The following MAP3K10 variants were observed in gnomAD, a reference collection of about 807,000 sequenced individuals.
The protein encoded by MAP3K10 is mitogen-activated protein kinase kinase kinase 10, also known as MKN28 derived nonreceptor_type serine/threonine kinase.
In MAP3K10, 22 loss-of-function variants were observed where a neutral mutation model predicts 75.0. The observed-to-expected ratio is 0.29, with a 90% CI of 0.21 to 0.42. MAP3K10 has a LOEUF of 0.42. Among genes scored for constraint, MAP3K10 ranks in the 10% least tolerant of loss-of-function variants. The pLI, the probability that MAP3K10 is intolerant of heterozygous loss-of-function variation, is 1.00. For synonymous variants in MAP3K10, 599 were observed against 612.9 expected, an observed-to-expected ratio of 0.98 and a Z score of 0.34; for missense variants, 1,165 against 1,379.8, an observed-to-expected ratio of 0.84 and a Z score of 2.47.
At position 40,212,331 on chromosome 19, in the gene MAP3K10, T is replaced by C. The variant is rs998356453; in HGVS notation, c.1553-474T>C. The stretch of plus-strand genomic sequence containing the variant: ...CCCCACCCACAGCCCCCCTGCCCTC[T>C]GTCTGGGCACCTGCTTTGTACCAGG... On this transcript the variant is annotated intron_variant, in intron 6 of 9. Coordinates refer to ENST00000253055, the MANE Select transcript of MAP3K10 (RefSeq NM_002446.4). This position sits in a 1 kb window ranked among gnomAD's most constrained non-coding sequence, Gnocchi z 4.2. Among the ~76,000 whole-genome samples, 2 of 152,014 alleles carry C rather than the reference T, an allele frequency of 1.3e-5. No homozygotes were observed. Among genetic ancestry groups the C allele is most frequent in the African/African-American group, 2.4e-5 (1 of 41,434 alleles).
At chr19:40,196,533 C>A (rs902267678) in intron 1 of MAP3K10, among the ~76,000 whole-genome samples, 1 of 152,066 alleles carries the variant, frequency 6.6e-6, no homozygotes. Flanking sequence ...TTATTTATTT[C>A]ATTGAGATGG....
chr19:40,208,361 TTTTTTTTTG>T (rs1387048905), intron 5 of MAP3K10, among the ~76,000 whole-genome samples: 12 of 116,196 alleles, frequency 1.0e-4, no homozygotes, highest in Non-Finnish European at 2.0e-4. Flanking sequence ...TTTTTTTTTT[TTTTTTTTTG>T]TATTTTTAGT....
Position 40,205,648 on chromosome 19 carries a change from G to T in MAP3K10, c.1189-263G>T. The T allele has an allele frequency of 1.9e-6, 1 of 519,516 alleles. No individual in the cohort carries two copies. The highest frequency in any genetic ancestry group is 3.4e-6 in the Non-Finnish European group (1 of 296,632). The allele number at this position is 519,516 out of a possible 1,614,324, so 32.2% of individuals were successfully genotyped here. On this transcript the variant is annotated intron_variant, in intron 4 of 9. Transcript: ENST00000253055. This position sits in a 1 kb window ranked among gnomAD's most constrained non-coding sequence, Gnocchi z 4.3. ...GGTACAGGGGGGTGCACTGTTCTCT[G>T]CTTTTGTGGATGTTTGAAGTTTTCT...
In MAP3K10 at chr19:40,215,460, GGTGGA is replaced by G; in HGVS notation, c.*170_*174del. ...TAACTTATTCCTTTGTACCCCAGGG[GGTGGA>G]GCCCTGTGCCCACCCTGCACTGGGG... On this transcript the variant is annotated 3_prime_UTR_variant, in exon 10 of 10. Coordinates refer to ENST00000253055, the MANE Select transcript of MAP3K10 (RefSeq NM_002446.4). The G allele has an allele frequency of 1.5e-6, 1 of 676,438 alleles. No individual in the cohort carries two copies. Among genetic ancestry groups the G allele is most frequent in the Non-Finnish European group, 2.5e-6 (1 of 406,896 alleles). 41.9% of individuals were successfully genotyped at this position (676,438 alleles called of 1,614,324 possible).
Position 40,212,964 on chromosome 19 carries a change from G to T in MAP3K10, c.1712G>T (p.Gly571Val). 1.2e-6 allele frequency: 2 copies of T among 1,603,540 alleles called. No homozygotes were observed. The highest frequency in any genetic ancestry group is 1.7e-6 in the Non-Finnish European group (2 of 1,174,574). ...PSSTLQKERV[G>V]GEERLKGLGE... is the part of the protein sequence containing the mutation. ...TCCACCCTGCAGAAGGAGCGGGTGG[G>T]AGGAGAGGAGAGGTGAGGTGTGGTG... is the stretch of plus-strand genomic sequence containing the variant. Residue 571 changes from glycine to valine, a missense_variant, in exon 7 of 10, where the codon GGA (glycine) becomes GTA (valine). Gly to Val is a moderately radical substitution (Grantham distance 109). Around this residue, in one of 2 missense-constraint regions of MAP3K10, gnomAD observed 590 missense variants for 586.6 expected, o/e 1.01. Coordinates refer to ENST00000253055, the MANE Select transcript of MAP3K10 (RefSeq NM_002446.4). The surrounding 1 kb of genome is among the most constrained non-coding windows in gnomAD (Gnocchi z 4.2).
At position 40,214,950 on chromosome 19, in the gene MAP3K10, C is replaced by T. The variant is rs554570697; in HGVS notation, c.2543-20C>T. On this transcript the variant is annotated intron_variant, in intron 9 of 9. Coordinates refer to ENST00000253055, the MANE Select transcript of MAP3K10 (RefSeq NM_002446.4). ...CCCTCTGCCCCACCCCACTCACCTC[C>T]TCTGAACCTCTCTTACCAGGCCCTC... 2.5e-5 allele frequency: 33 copies of T among 1,327,332 alleles called. 1 individual carries two copies. The South Asian group carries it at 3.8e-4, about 15-fold the overall frequency. The allele number at this position is 1,327,332 out of a possible 1,614,324, so 82.2% of individuals were successfully genotyped here.
Position 40,215,492 on chromosome 19 carries a change from G to C in MAP3K10, c.*200G>C. The C allele has an allele frequency of 6.7e-6, 4 of 593,476 alleles. No individual in the cohort carries two copies. The highest frequency in any genetic ancestry group is 1.2e-5 in the Non-Finnish European group (4 of 337,338). The allele number at this position is 593,476 out of a possible 1,614,324, so 36.8% of individuals were successfully genotyped here. A position where few individuals can be genotyped will look rare whatever the true frequency, so the allele number is the denominator to read the frequency against. ...CCCTGTGCCCACCCTGCACTGGGGG[G>C]AGGGTGGGCAGGGATACTCAGGGAC... On this transcript the variant is annotated 3_prime_UTR_variant, in exon 10 of 10. Transcript: ENST00000253055.
intron 2 of MAP3K10, among the ~76,000 whole-genome samples, chr19:40,200,909 C>G (rs1261370670): frequency 2.6e-5 from 4 of 151,910 alleles, no homozygotes; most frequent in South Asian, 4.2e-4. Flanking sequence ...TGCACCCGGC[C>G]GGGCAGGCTA....
At chr19:40,214,843 G>C in intron 9 of MAP3K10, 127 bp from the exon 10 acceptor site, 1 of 612,962 alleles carries the variant, frequency 1.6e-6, no homozygotes, top group East Asian at 2.7e-5. Context: ...GATGGAAACT[G>C]GATGCAGCAA....
In MAP3K10 at chr19:40,212,998, C is replaced by A. The variant is rs1973268657; in HGVS notation, c.1724+22C>A. 1 of 1,591,796 alleles carries A rather than the reference C, an allele frequency of 6.3e-7. No individual in the cohort carries two copies. The highest frequency in any genetic ancestry group is 8.6e-7 in the Non-Finnish European group (1 of 1,167,540). ...AGAGGTGAGGTGTGGTGTGGTCATG[C>A]CCACCCTGTGCCCAAGCCCCAGCTC... On this transcript the variant is annotated intron_variant, in intron 7 of 9. Transcript: ENST00000253055. The surrounding 1 kb of genome is among the most constrained non-coding windows in gnomAD (Gnocchi z 4.2).
chr19:40,205,998 C>G lies in MAP3K10; in HGVS notation c.1276C>G (p.Leu426Val). 1 of 1,612,308 alleles carries G rather than the reference C, an allele frequency of 6.2e-7. No homozygotes were observed. Among genetic ancestry groups the G allele is most frequent in the Non-Finnish European group, 8.5e-7 (1 of 1,179,160 alleles). ...GCAGCTGCGGCGGCGGGAGCAGGAGCTGGCAGAACGTGAGATGGACATCGT... is the reference window on the plus strand; with the variant it reads ...GCAGCTGCGGCGGCGGGAGCAGGAGGTGGCAGAACGTGAGATGGACATCGT... The part of the protein sequence containing the change: ...EEQLRRREQE[L>V]AEREMDIVER... The change falls in exon 5 of 10, where the codon CTG becomes GTG. Residue 426 changes from leucine to valine, a missense_variant. Leu to Val is a conservative substitution (Grantham distance 32). Coordinates refer to ENST00000253055, the MANE Select transcript of MAP3K10 (RefSeq NM_002446.4). This position sits in a 1 kb window ranked among gnomAD's most constrained non-coding sequence, Gnocchi z 4.3.
At chr19:40,207,426 G>T (rs1328327897) in intron 5 of MAP3K10, among the ~76,000 whole-genome samples, 1 of 152,070 alleles carries the variant, frequency 6.6e-6, no homozygotes, top group African/African-American at 2.4e-5. Flanking sequence ...AAAGAAATAA[G>T]AGATGTCAAT....
chr19:40,213,802 G>T lies in MAP3K10; in HGVS notation c.2123G>T (p.Gly708Val). 1.6e-6 allele frequency: 2 copies of T among 1,283,082 alleles called. No homozygotes were observed. The highest frequency in any genetic ancestry group is 2.0e-6 in the Non-Finnish European group (2 of 1,011,074). 79.5% of individuals were successfully genotyped at this position (1,283,082 alleles called of 1,614,324 possible). A position where few individuals can be genotyped will look rare whatever the true frequency, so the allele number is the denominator to read the frequency against. Reference sequence around the variant, plus strand: ...GAGGAGCAGCGGCGCTGGCTCGACGGCCTCTTCTTTCCCCGCGCCGGCCGC... The same window carrying T: ...GAGGAGCAGCGGCGCTGGCTCGACGTCCTCTTCTTTCCCCGCGCCGGCCGC... ...DGEEQRRWLDGLFFPRAGRFP... is the reference protein window; with the variant it reads ...DGEEQRRWLDVLFFPRAGRFP... The change falls in exon 9 of 10, where the codon GGC becomes GTC. Residue 708 changes from glycine to valine, a missense_variant. Physicochemically the swap from Gly to Val is moderately radical, Grantham distance 109. Coordinates refer to ENST00000253055, the MANE Select transcript of MAP3K10 (RefSeq NM_002446.4). This position sits in a 1 kb window ranked among gnomAD's most constrained non-coding sequence, Gnocchi z 5.7.
At chr19:40,206,234 T>C in intron 5 of MAP3K10, 77 bp downstream of exon 5, 1 of 1,490,714 alleles carries the variant, frequency 6.7e-7, no homozygotes, top group Non-Finnish European at 9.0e-7. Flanking sequence ...TCTCTTCCTT[T>C]TCTTTTTCAA....
chr19:40,211,783 G>A (rs1355549827), intron 6 of MAP3K10, among the ~76,000 whole-genome samples: 1 of 152,102 alleles, frequency 6.6e-6, no homozygotes, highest in Non-Finnish European at 1.5e-5. Context: ...GAGTGCAATG[G>A]TGCGATCTCA....
chr19:40,211,868 C>T (rs1258315460), intron 6 of MAP3K10, among the ~76,000 whole-genome samples: 1 of 152,156 alleles, frequency 6.6e-6, no homozygotes, highest in Non-Finnish European at 1.5e-5. Flanking sequence ...GGACTACAGG[C>T]CTGCACCACC....
chr19:40,215,499 G>T lies in MAP3K10; in HGVS notation c.*207G>T. ...CCCACCCTGCACTGGGGGGAGGGTGGGCAGGGATACTCAGGGACAGGGCAT... is the reference window on the plus strand; with the variant it reads ...CCCACCCTGCACTGGGGGGAGGGTGTGCAGGGATACTCAGGGACAGGGCAT... On this transcript the variant is annotated 3_prime_UTR_variant, in exon 10 of 10. Coordinates refer to ENST00000253055, the MANE Select transcript of MAP3K10 (RefSeq NM_002446.4). The T allele has an allele frequency of 3.4e-6, 2 of 583,740 alleles. No individual in the cohort carries two copies. Among genetic ancestry groups the T allele is most frequent in the South Asian group, 4.5e-5 (2 of 44,156 alleles). 36.2% of individuals were successfully genotyped at this position (583,740 alleles called of 1,614,324 possible).
chr19:40,192,246 C>G lies in MAP3K10; in HGVS notation c.215C>G (p.Pro72Arg), dbSNP rs767090699. Residue 72 changes from proline (P) to arginine (R), a missense_variant, in exon 1 of 10, where the codon CCC becomes CGC. Coordinates refer to ENST00000253055, the MANE Select transcript of MAP3K10 (RefSeq NM_002446.4). This position sits in a 1 kb window ranked among gnomAD's most constrained non-coding sequence, Gnocchi z 7.1. ...QLPSGRVGVF[P>R]SNYVAPGAPA... ...CCCAGCGGCCGCGTGGGCGTCTTCC[C>G]CAGCAACTACGTGGCCCCCGGCGCC... The G allele has an allele frequency of 6.2e-7, 1 of 1,603,962 alleles. No homozygotes were observed. The highest frequency in any genetic ancestry group is 8.5e-7 in the Non-Finnish European group (1 of 1,176,912).
In MAP3K10 at chr19:40,205,185, C is replaced by A; in HGVS notation, c.1077C>A (p.Val359=). The change falls in exon 4 of 10, where the codon GTC becomes GTA. Residue 359 remains valine, a synonymous_variant. Transcript: ENST00000253055. This position sits in a 1 kb window ranked among gnomAD's most constrained non-coding sequence, Gnocchi z 4.3. ...DFGSILKRLE[V]IEQSALFQMP... is the part of the protein sequence containing the mutation. ...GTAGCATCTTGAAGCGGCTTGAAGT[C>A]ATCGAACAGTCAGCCCTGTTCCAGA... is the stretch of plus-strand genomic sequence containing the variant. The A allele has an allele frequency of 6.2e-7, 1 of 1,614,046 alleles. No individual in the cohort carries two copies. Among genetic ancestry groups the A allele is most frequent in the South Asian group, 1.1e-5 (1 of 91,058 alleles).
Sources: gnomAD v4.1 joint callset for allele counts (sites outside exome capture counted in the v4.1 genomes callset) on GRCh38, gnomAD v4.1.1 for gene constraint, gnomAD v4.1.1 regional missense constraint, Gnocchi (gnomAD v3.1) non-coding constraint, MANE v1.5 for transcripts, NCBI Gene and HGNC (gene_info 2026-07-23, HGNC 2026-07-21) for gene names.